SECISBP2L: variants seen among roughly 807,000 people sequenced by gnomAD.
SECISBP2L encodes the protein SECIS binding protein 2 like.
Under a neutral mutation model 114.7 loss-of-function variants are expected in SECISBP2L, and 43 were observed. The ratio of observed to expected loss-of-function variants is 0.38; its 90% CI spans 0.29 to 0.48. The LOEUF is 0.48. Among genes scored for constraint, SECISBP2L ranks in the 20% least tolerant of loss-of-function variants. The pLI is 0.98. For missense variants in SECISBP2L, 1,136 were observed against 1,301.1 expected, an observed-to-expected ratio of 0.87 and a Z score of 1.95; for synonymous variants, 451 against 439.7, an observed-to-expected ratio of 1.03 and a Z score of -0.32.
chr15:49,024,287 G>A (rs1332951752), intron 7 of SECISBP2L, among the ~76,000 whole-genome samples: 1 of 152,100 alleles, frequency 6.6e-6, no homozygotes, highest in Non-Finnish European at 1.5e-5. Flanking sequence ...CACGAGGTCA[G>A]GAGTTTGAGA....
At chr15:49,015,634 G>A (rs115114984) in intron 11 of SECISBP2L, among the ~76,000 whole-genome samples, 299 of 151,966 alleles carry the variant, frequency 2.0e-3, no homozygotes, top group African/African-American at 6.9e-3. Context: ...AAGAAATGAG[G>A]GAACACAGAA....
In SECISBP2L at chr15:48,991,853, T is replaced by G; in HGVS notation, c.*391A>C. On this transcript the variant is annotated 3_prime_UTR_variant, in exon 18 of 18. Coordinates refer to ENST00000559471, the MANE Select transcript of SECISBP2L (RefSeq NM_001193489.2). ...TTTTTAAAGAAGCCCAAACAATTTT[T>G]TGGTCAAATTAGAGTAGAGGAGGTG... 1 of 156,164 alleles carries G rather than the reference T, an allele frequency of 6.4e-6. No individual in the cohort carries two copies. Among genetic ancestry groups the G allele is most frequent in the Non-Finnish European group, 1.4e-5 (1 of 70,764 alleles). 9.7% of individuals were successfully genotyped at this position (156,164 alleles called of 1,614,324 possible).
rs1198567368 is a variant in SECISBP2L at position 48,999,880 on chromosome 15, G to A, written c.2356C>T (p.Leu786=). The A allele has an allele frequency of 4.3e-6, 7 of 1,613,984 alleles. No individual in the cohort carries two copies. In the South Asian group the frequency reaches 6.6e-5, roughly 15 times the overall value. The change falls in exon 16 of 18, where the codon CTG becomes TTG. Residue 786 remains leucine, a synonymous_variant. Coordinates refer to ENST00000559471, the MANE Select transcript of SECISBP2L (RefSeq NM_001193489.2). Reference sequence around the variant, plus strand: ...ATTCCCACTACGCTAACAGGAACCAGCTTGTTCACACAGCGTCCTAGAGCT... The same window carrying A: ...ATTCCCACTACGCTAACAGGAACCAACTTGTTCACACAGCGTCCTAGAGCT... ...RKALGRCVNK[L]VPVSVVGIFN...
chr15:49,012,671 T>A lies in SECISBP2L; in HGVS notation c.1708A>T (p.Lys570Ter). 6.2e-7 allele frequency: 1 copy of A among 1,613,376 alleles called. No individual in the cohort carries two copies. Among genetic ancestry groups the A allele is most frequent in the Non-Finnish European group, 8.5e-7 (1 of 1,179,862 alleles). The change falls in exon 12 of 18, where the codon AAA becomes TAA. Residue 570 changes from lysine (K) to a stop codon, truncating the protein, a stop_gained. Coordinates refer to ENST00000559471, the MANE Select transcript of SECISBP2L (RefSeq NM_001193489.2). LOFTEE classifies it high-confidence loss of function. ...ACCTTTTTAAGTGCTGTGGGTCGTTTTAGTTTTGCAATTTCCTTCTCTTTT... is the reference window on the plus strand; with the variant it reads ...ACCTTTTTAAGTGCTGTGGGTCGTTATAGTTTTGCAATTTCCTTCTCTTTT... Reference protein sequence around the residue: ...KGKEKEIAKLKRPTALKKVIL... With the variant: ...KGKEKEIAKL
chr15:48,993,410 T>G (rs1445538003), intron 17 of SECISBP2L, among the ~76,000 whole-genome samples: 3 of 152,124 alleles, frequency 2.0e-5, no homozygotes, highest in African/African-American at 7.2e-5. Flanking sequence ...CAATAGGAGC[T>G]CACTGGCATT....
At position 49,043,052 on chromosome 15, in the gene SECISBP2L, T is replaced by C. The variant is rs190898549; in HGVS notation, c.24+3224A>G. Among the ~76,000 whole-genome samples the C allele has an allele frequency of 2.1e-3, 316 of 152,312 alleles. 3 individuals carry two copies. Among genetic ancestry groups the C allele is most frequent in the African/African-American group, 7.4e-3 (309 of 41,562 alleles). Reference sequence around the variant, plus strand: ...AAAAAGAAAAAACAGAAAATGTCTTTTTAAATTTCCAAATGCTATTTTCCC... The same window carrying C: ...AAAAAGAAAAAACAGAAAATGTCTTCTTAAATTTCCAAATGCTATTTTCCC... On this transcript the variant is annotated intron_variant, in intron 1 of 17. Transcript: ENST00000559471.
chr15:49,017,296 A>T (rs1206592008), intron 9 of SECISBP2L, among the ~76,000 whole-genome samples: 1 of 152,246 alleles, frequency 6.6e-6, no homozygotes, highest in Non-Finnish European at 1.5e-5. Context: ...GGAAAATTTC[A>T]GTACAGACTG....
chr15:49,027,401 T>G lies in SECISBP2L; in HGVS notation c.999A>C (p.Arg333Ser). 6.2e-7 allele frequency: 1 copy of G among 1,611,252 alleles called. No homozygotes were observed. Among genetic ancestry groups the G allele is most frequent in the Non-Finnish European group, 8.5e-7 (1 of 1,178,120 alleles). The change falls in exon 7 of 18, where the codon AGA becomes AGC. Residue 333 changes from arginine to serine, a missense_variant. Around this residue, in one of 2 missense-constraint regions of SECISBP2L, gnomAD observed 452 missense variants for 452.3 expected, o/e 1.00. Transcript: ENST00000559471. ...PWMEKNQTFSRGGRQTEQRNN... is the reference protein window; with the variant it reads ...PWMEKNQTFSSGGRQTEQRNN... The stretch of plus-strand genomic sequence containing the variant: ...TTCTTTGTTCAGTTTGCCTTCCACC[T>G]CTAGAAAATGTCTGATTTTTTTCCA...
In SECISBP2L at chr15:49,030,409, C is replaced by T. The variant is rs189555509; in HGVS notation, c.665-1727G>A. Among the ~76,000 whole-genome samples, 152 of 152,282 alleles carry T rather than the reference C, an allele frequency of 1.0e-3. 1 individual carries two copies. The highest frequency in any genetic ancestry group is 3.2e-3 in the African/African-American group (135 of 41,550). On this transcript the variant is annotated intron_variant, in intron 4 of 17. Transcript: ENST00000559471. The stretch of plus-strand genomic sequence containing the variant: ...TACATTCATAGGAATGAGATGACTG[C>T]GTCCAAAGAAAAATTCCCATATTCC...
chr15:48,993,541 A>G (rs1167480198), intron 17 of SECISBP2L, among the ~76,000 whole-genome samples: 1 of 152,198 alleles, frequency 6.6e-6, no homozygotes, highest in Non-Finnish European at 1.5e-5. Flanking sequence ...ATGTCCAGCA[A>G]TAATAGTTCT....
intron 14 of SECISBP2L, among the ~76,000 whole-genome samples, chr15:49,007,424 C>T (rs1224493012): frequency 6.6e-6 from 1 of 152,198 alleles, no homozygotes; most frequent in Non-Finnish European, 1.5e-5. Flanking sequence ...TGCTCTGTCC[C>T]AGGCAGATGG....
In SECISBP2L at chr15:49,011,719, G is replaced by A; in HGVS notation, c.1864+12C>T. 1.2e-6 allele frequency: 2 copies of A among 1,613,404 alleles called. No individual in the cohort carries two copies. Among genetic ancestry groups the A allele is most frequent in the Non-Finnish European group, 1.7e-6 (2 of 1,179,578 alleles). Reference sequence around the variant, plus strand: ...CATTCCATGAGAAGAGGAGAAAGGGGGAGCTCCTTACCTTCCTGGGAAACA... The same window carrying A: ...CATTCCATGAGAAGAGGAGAAAGGGAGAGCTCCTTACCTTCCTGGGAAACA... On this transcript the variant is annotated intron_variant, in intron 13 of 17. Transcript: ENST00000559471.
Position 49,016,789 on chromosome 15 carries a change from CTATT to C in SECISBP2L, c.1419+55_1419+58del. ...TGACTACATTTATCACTCCTTCTAT[CTATT>C]CCATCAAACCTAGCAAGTAAACTAT... On this transcript the variant is annotated intron_variant, in intron 10 of 17. Coordinates refer to ENST00000559471, the MANE Select transcript of SECISBP2L (RefSeq NM_001193489.2). 1.9e-6 allele frequency: 3 copies of C among 1,570,102 alleles called. 1 individual carries two copies. In the South Asian group the frequency reaches 3.5e-5, roughly 19 times the overall value.
intron 15 of SECISBP2L, among the ~76,000 whole-genome samples, chr15:49,000,278 AAATT>A (rs1429834211): frequency 2.6e-5 from 4 of 152,222 alleles, no homozygotes; most frequent in African/African-American, 4.8e-5. Flanking sequence ...TATAATAAAG[AAATT>A]AATTAAAATT....
intron 9 of SECISBP2L, 33 bp downstream of exon 9, chr15:49,017,515 A>G (rs765404441): frequency 7.5e-7 from 1 of 1,331,422 alleles, no homozygotes; most frequent in Admixed American, 1.9e-5. Context: ...AAAAGATGTT[A>G]TATTTTGCTT....
chr15:49,008,066 T>G (rs1421700778), intron 14 of SECISBP2L, among the ~76,000 whole-genome samples: 11 of 152,182 alleles, frequency 7.2e-5, no homozygotes, highest in Admixed American at 7.2e-4. Context: ...AAGTATATAC[T>G]TCTCCTGTAT....
At chr15:49,036,876 T>C (rs555959734) in intron 2 of SECISBP2L, among the ~76,000 whole-genome samples, 25 of 152,344 alleles carry the variant, frequency 1.6e-4, no homozygotes, top group African/African-American at 5.5e-4. Context: ...ACAGAGCCTA[T>C]AGCCAGTTAA....
In SECISBP2L at chr15:49,019,406, T is replaced by C; in HGVS notation, c.1170+12A>G. The C allele has an allele frequency of 1.4e-6, 2 of 1,418,194 alleles. No homozygotes were observed. Among genetic ancestry groups the C allele is most frequent in the Non-Finnish European group, 1.8e-6 (2 of 1,095,182 alleles). The allele number at this position is 1,418,194 out of a possible 1,614,324, so 87.9% of individuals were successfully genotyped here. ...CCTATAACAGCTTACAAATAGAGTT[T>C]GAAAAAAATACCTCAAAATATAAAG... On this transcript the variant is annotated intron_variant, in intron 8 of 17. Coordinates refer to ENST00000559471, the MANE Select transcript of SECISBP2L (RefSeq NM_001193489.2).
At chr15:49,023,609 T>A (rs1476931240) in intron 7 of SECISBP2L, among the ~76,000 whole-genome samples, 1 of 152,158 alleles carries the variant, frequency 6.6e-6, no homozygotes, top group Non-Finnish European at 1.5e-5. Context: ...ACAGCAACAG[T>A]TTGCAAACAA....
Sources: gnomAD v4.1 joint callset for allele counts (sites outside exome capture counted in the v4.1 genomes callset) on GRCh38, gnomAD v4.1.1 for gene constraint, gnomAD v4.1.1 regional missense constraint, MANE v1.5 for transcripts, NCBI Gene and HGNC (gene_info 2026-07-23, HGNC 2026-07-21) for gene names.